Variants in SLCO3A1 observed in about 807,000 individuals in gnomAD.
SLCO3A1 encodes the protein PGE1 transporter.
Under a neutral mutation model 63.1 loss-of-function variants are expected in SLCO3A1, and 27 were observed. The ratio of observed to expected loss-of-function variants is 0.43; its 90% CI spans 0.32 to 0.59. The LOEUF (loss-of-function observed/expected upper bound fraction) is 0.59. SLCO3A1 is among the 20% of genes least tolerant of loss of function. SLCO3A1 has a pLI of 0.09. For missense variants in SLCO3A1, 773 were observed against 945.8 expected (o/e 0.82, Z 2.40); for synonymous variants, 473 against 409.9 (o/e 1.15, Z -1.86).
intron 2 of SLCO3A1, among the ~76,000 whole-genome samples, chr15:92,057,345 C>T (rs1040242439): frequency 1.3e-5 from 2 of 152,244 alleles, no homozygotes; most frequent in Non-Finnish European, 2.9e-5. Flanking sequence ...AGAGAGATTA[C>T]TGTATTCGTT....
chr15:92,060,557 T>A (rs893758196), intron 2 of SLCO3A1, among the ~76,000 whole-genome samples: 14 of 151,014 alleles, frequency 9.3e-5, no homozygotes, highest in African/African-American at 3.2e-4. Flanking sequence ...TGGAGTGCAG[T>A]GGCGCAAGCT....
intron 1 of SLCO3A1, among the ~76,000 whole-genome samples, chr15:91,884,653 CTA>C (rs1381073054): frequency 3.9e-5 from 6 of 151,946 alleles, no homozygotes; most frequent in Admixed American, 2.0e-4. Context: ...TATGAAATGT[CTA>C]TTTTCTAGTA....
chr15:91,962,395 C>G (rs947785661), intron 2 of SLCO3A1, among the ~76,000 whole-genome samples: 2 of 145,826 alleles, frequency 1.4e-5, no homozygotes, highest in Non-Finnish European at 3.0e-5. Flanking sequence ...AGGAAAATCA[C>G]TTGAACCCAG....
intron 2 of SLCO3A1, among the ~76,000 whole-genome samples, chr15:92,031,618 T>C (rs931196278): frequency 1.4e-4 from 21 of 152,296 alleles, no homozygotes; most frequent in Admixed American, 1.3e-3. Context: ...GATGCCTTCA[T>C]CACCTTCACT....
chr15:92,066,636 A>G (rs942663580), intron 2 of SLCO3A1, among the ~76,000 whole-genome samples: 5 of 152,180 alleles, frequency 3.3e-5, no homozygotes, highest in African/African-American at 1.2e-4. Context: ...TCTGAGCCTC[A>G]GTTTCCTTAT....
intron 1 of SLCO3A1, among the ~76,000 whole-genome samples, chr15:91,898,057 T>C (rs1230017403): frequency 1.3e-5 from 2 of 152,212 alleles, no homozygotes; most frequent in African/African-American, 4.8e-5. Flanking sequence ...AGTGTGAAGT[T>C]GGAGCTAGTG....
intron 2 of SLCO3A1, among the ~76,000 whole-genome samples, chr15:91,961,307 T>A (rs1327257633): frequency 2.0e-5 from 3 of 152,256 alleles, no homozygotes; most frequent in African/African-American, 7.2e-5. Flanking sequence ...TACTTGTGTT[T>A]GAACTTTTGA....
intron 2 of SLCO3A1, among the ~76,000 whole-genome samples, chr15:92,022,876 A>C (rs1291270415): frequency 6.6e-6 from 1 of 152,068 alleles, no homozygotes; most frequent in Admixed American, 6.5e-5. Context: ...GGAAGCCTGC[A>C]GTGCTACCTG....
At chr15:92,156,780 G>T (rs183574101) in intron 9 of SLCO3A1, among the ~76,000 whole-genome samples, 25 of 151,908 alleles carry the variant, frequency 1.6e-4, no homozygotes, top group Middle Eastern at 3.4e-3. Flanking sequence ...GTCTTGGCAG[G>T]TAAGCCAGAG....
chr15:91,881,623 C>G (rs1897589891), intron 1 of SLCO3A1, among the ~76,000 whole-genome samples: 2 of 152,098 alleles, frequency 1.3e-5, no homozygotes, highest in Admixed American at 1.3e-4. Context: ...TTAAAAGCCA[C>G]TCAGAGAAAC....
intron 2 of SLCO3A1, among the ~76,000 whole-genome samples, chr15:92,066,446 A>G (rs1407297421): frequency 6.6e-6 from 1 of 152,264 alleles, no homozygotes; most frequent in African/African-American, 2.4e-5. Flanking sequence ...ACAAACAGCC[A>G]CAATTTCAGT....
Position 92,131,477 on chromosome 15 carries a change from G to A in SLCO3A1, c.1512+2988G>A, listed in dbSNP as rs112974126. Among the ~76,000 whole-genome samples, 50 of 142,420 alleles carry A rather than the reference G, an allele frequency of 3.5e-4. 5 individuals carry two copies. Among genetic ancestry groups the A allele is most frequent in the African/African-American group, 1.2e-3 (48 of 39,196 alleles). The allele number at this position is 142,420 out of a possible 152,430, so 93.4% of individuals were successfully genotyped here. A position where few individuals can be genotyped will look rare whatever the true frequency, so the allele number is the denominator to read the frequency against. The stretch of plus-strand genomic sequence containing the variant: ...CCTCCCGGGTTCAAGTGATTCTCCT[G>A]CCTCAGCCTCCCAAGTAGCTGGGAT... On this transcript the variant is annotated intron_variant, in intron 7 of 9. Coordinates refer to ENST00000318445, the MANE Select transcript of SLCO3A1 (RefSeq NM_013272.4).
rs1250885677 is a variant in SLCO3A1, at chr15:91,883,731, AT to A, written c.180+29649del. On this transcript the variant is annotated intron_variant, in intron 1 of 9. Transcript: ENST00000318445. This position sits in a 1 kb window ranked among gnomAD's most constrained non-coding sequence, Gnocchi z 4.8. ...GTGCATAGAAATTTCGGTTCCAAGT[AT>A]TTTTTGAAGTAGAAGTGTGTTTGTA... is the stretch of plus-strand genomic sequence containing the variant. Among the ~76,000 whole-genome samples the A allele has an allele frequency of 6.6e-6, 1 of 152,166 alleles. No individual in the cohort carries two copies. The highest frequency in any genetic ancestry group is 2.4e-5 in the African/African-American group (1 of 41,412).
intron 6 of SLCO3A1, among the ~76,000 whole-genome samples, chr15:92,127,250 G>A (rs2047936143): frequency 6.6e-6 from 1 of 152,232 alleles, no homozygotes; most frequent in African/African-American, 2.4e-5. Flanking sequence ...ATGCATAACA[G>A]CTGTCTCAAG....
At chr15:91,976,626 C>T (rs934347117) in intron 2 of SLCO3A1, among the ~76,000 whole-genome samples, 3 of 152,098 alleles carry the variant, frequency 2.0e-5, no homozygotes, top group African/African-American at 7.2e-5. Context: ...CCGATATTCA[C>T]GTAGGTTCTT....
intron 2 of SLCO3A1, among the ~76,000 whole-genome samples, chr15:92,032,818 C>T (rs1191870449): frequency 2.0e-5 from 3 of 150,800 alleles, no homozygotes; most frequent in Non-Finnish European, 4.4e-5. Context: ...AGATTTGGAG[C>T]ATGGTTGGAT....
rs142933923 is a variant in SLCO3A1 at position 92,064,637 on chromosome 15, A to G, written c.647-30244A>G. On this transcript the variant is annotated intron_variant, in intron 2 of 9. Transcript: ENST00000318445. Reference sequence around the variant, plus strand: ...ATGAAATCAACATTAGTACCCATCAACGGATGAATGAATAAAGAAAATGTG... The same window carrying G: ...ATGAAATCAACATTAGTACCCATCAGCGGATGAATGAATAAAGAAAATGTG... Among the ~76,000 whole-genome samples, 517 of 152,346 alleles carry G rather than the reference A, an allele frequency of 3.4e-3. 7 individuals carry two copies. Among genetic ancestry groups the G allele is most frequent in the African/African-American group, 0.012 (489 of 41,586 alleles).
intron 4 of SLCO3A1, among the ~76,000 whole-genome samples, chr15:92,109,235 G>C (rs1015491769): frequency 6.6e-6 from 1 of 152,164 alleles, no homozygotes; most frequent in Non-Finnish European, 1.5e-5. Flanking sequence ...GAAGGGAAAG[G>C]CATTTGAACC....
At chr15:91,891,430 T>G (rs1211436234) in intron 1 of SLCO3A1, among the ~76,000 whole-genome samples, 1 of 152,162 alleles carries the variant, frequency 6.6e-6, no homozygotes, top group Non-Finnish European at 1.5e-5. Context: ...TATCCTGTAT[T>G]CAGAACCTCC....
Sources: gnomAD v4.1 joint callset for allele counts (sites outside exome capture counted in the v4.1 genomes callset) on GRCh38, gnomAD v4.1.1 for gene constraint, Gnocchi (gnomAD v3.1) non-coding constraint, MANE v1.5 for transcripts, NCBI Gene and HGNC (gene_info 2026-07-23, HGNC 2026-07-21) for gene names.